The following ARV1 variants were observed in gnomAD, a reference collection of about 807,000 sequenced individuals.
ARV1 encodes ARV1 fatty acid homeostasis modulator, also known as protein ARV1.
Under a neutral mutation model 31.1 loss-of-function variants are expected in ARV1, and 26 were observed. That is an observed-to-expected ratio of 0.84 (90% CI 0.61 to 1.16). ARV1 has a LOEUF of 1.16. Ranked by LOEUF, ARV1 falls within the 50% of genes most tolerant of loss-of-function variation. The probability of loss-of-function intolerance (pLI) is 0.00; values close to 1 mark genes in which losing one functional copy is unlikely to be tolerated. For synonymous variants in ARV1, 117 were observed against 123.2 expected (o/e 0.95, Z 0.34); for missense variants, 281 against 324.9 (o/e 0.86, Z 1.04).
At chr1:230,998,629 G>A (rs528256956) in intron 5 of ARV1, among the ~76,000 whole-genome samples, 2 of 152,164 alleles carry the variant, frequency 1.3e-5, no homozygotes, top group South Asian at 4.1e-4. Context: ...AGGAGAGCAG[G>A]GCACAGTGGC....
chr1:230,988,169 C>T (rs58604888), intron 1 of ARV1, 151 bp from the exon 2 acceptor site: 9,658 of 583,124 alleles, frequency 0.017, 350 homozygotes, highest in African/African-American at 0.11. Context: ...TATAGATGAA[C>T]ATTTTGTATC....
rs754524756 is a variant in ARV1, at chr1:230,990,250, G to T, written c.435G>T (p.Ala145=). The T allele has an allele frequency of 1.9e-6, 3 of 1,612,664 alleles. No individual in the cohort carries two copies. The Admixed American group carries it at 5.0e-5, about 27-fold the overall frequency. Residue 145 remains alanine (A), a synonymous_variant, in exon 3 of 6, where the codon GCG becomes GCT. Coordinates refer to ENST00000310256, the MANE Select transcript of ARV1 (RefSeq NM_022786.3). ...AKEWDFYRMF[A]IAALEQTAYF... ...AATGGGATTTCTATAGAATGTTTGC[G>T]ATTGCTGCTTTAGGTAAGGAGATGC...
chr1:230,983,173 G>A (rs1361837360), intron 1 of ARV1, among the ~76,000 whole-genome samples: 1 of 152,118 alleles, frequency 6.6e-6, no homozygotes, highest in Non-Finnish European at 1.5e-5. Context: ...CCAGTACTTT[G>A]GGAGGCCAAG....
intron 1 of ARV1, 67 bp from the exon 2 acceptor site, chr1:230,988,253 T>C: frequency 8.4e-6 from 12 of 1,435,126 alleles, no homozygotes; most frequent in Non-Finnish European, 1.2e-5. Flanking sequence ...CTCTGCTGTT[T>C]TGAAATCCTT....
chr1:230,984,853 T>A (rs963417998), intron 1 of ARV1, among the ~76,000 whole-genome samples: 7 of 152,244 alleles, frequency 4.6e-5, no homozygotes, highest in African/African-American at 1.7e-4. Flanking sequence ...AGGTTTTATG[T>A]TGTTATCTCT....
At chr1:230,997,793 G>A (rs564882056) in intron 5 of ARV1, among the ~76,000 whole-genome samples, 8 of 152,108 alleles carry the variant, frequency 5.3e-5, no homozygotes, top group South Asian at 2.1e-4. Context: ...GCTTTGCTAA[G>A]GCTGTTTGGG....
chr1:230,997,294 A>G (rs745804960), intron 5 of ARV1, 27 bp downstream of exon 5: 1 of 1,608,350 alleles, frequency 6.2e-7, no homozygotes, highest in East Asian at 2.2e-5. Flanking sequence ...GTGTTCATGC[A>G]TTCAGACATG....
intron 3 of ARV1, among the ~76,000 whole-genome samples, chr1:230,992,705 G>A (rs1679260805): frequency 6.6e-6 from 1 of 152,144 alleles, no homozygotes; most frequent in African/African-American, 2.4e-5. Context: ...TACACTCGGT[G>A]ATTATTCATT....
intron 1 of ARV1, among the ~76,000 whole-genome samples, chr1:230,984,365 T>TGTGTGTGTGTGTGTGC (rs1678998737): frequency 1.4e-5 from 1 of 71,360 alleles, no homozygotes; most frequent in Admixed American, 1.6e-4. Flanking sequence ...TGTGTGTGCG[T>TGTGTGTGTGTGTGTGC]GTGTGTGTGT....
intron 2 of ARV1, 120 bp from the exon 3 acceptor site, chr1:230,989,990 A>C (rs1446474490): frequency 9.9e-7 from 1 of 1,013,878 alleles, no homozygotes; most frequent in African/African-American, 1.7e-5. Flanking sequence ...TAGCCACTTA[A>C]TTGGGCAGTC....
chr1:230,979,578 A>G (rs540184726), intron 1 of ARV1: 2 of 363,252 alleles, frequency 5.5e-6, no homozygotes, highest in South Asian at 2.9e-5. Flanking sequence ...ATTTTGGTTC[A>G]TGCCAAAGCT....
At chr1:230,997,426 C>T (rs559803244) in intron 5 of ARV1, among the ~76,000 whole-genome samples, 159 bp downstream of exon 5, 2 of 152,282 alleles carry the variant, frequency 1.3e-5, no homozygotes, top group South Asian at 2.1e-4. Context: ...TACTACATGG[C>T]CCCCAGGGGT....
At chr1:230,998,214 C>G (rs1363431557) in intron 5 of ARV1, among the ~76,000 whole-genome samples, 1 of 152,168 alleles carries the variant, frequency 6.6e-6, no homozygotes, top group Non-Finnish European at 1.5e-5. Flanking sequence ...AGGCAGGATC[C>G]TGGAAGGCTG....
intron 1 of ARV1, among the ~76,000 whole-genome samples, chr1:230,982,962 A>G (rs1330976637): frequency 2.0e-5 from 3 of 151,422 alleles, no homozygotes; most frequent in Non-Finnish European, 4.4e-5. Context: ...TTTCATCCCA[A>G]TCTCCTTTCC....
intron 1 of ARV1, among the ~76,000 whole-genome samples, chr1:230,986,551 A>G (rs1679075257): frequency 6.6e-6 from 1 of 151,462 alleles, no homozygotes; most frequent in Non-Finnish European, 1.5e-5. Flanking sequence ...TCTTTGGGGT[A>G]TATGTTCCAG....
chr1:230,993,414 G>A (rs542977429), intron 3 of ARV1, among the ~76,000 whole-genome samples: 2 of 152,246 alleles, frequency 1.3e-5, no homozygotes, highest in East Asian at 3.9e-4. Context: ...AATTTCTAAA[G>A]ATAAACTGTT....
chr1:230,990,703 G>T, intron 3 of ARV1: 1 of 307,784 alleles, frequency 3.2e-6, no homozygotes. Context: ...CCACAGGTAT[G>T]CACCACCACA....
intron 3 of ARV1, among the ~76,000 whole-genome samples, chr1:230,993,872 A>G (rs1004382585): frequency 1.3e-5 from 2 of 152,230 alleles, no homozygotes; most frequent in African/African-American, 4.8e-5. Flanking sequence ...TTTTGCCTGG[A>G]TGACCAAGAC....
chr1:230,992,068 G>T (rs1056518952), intron 3 of ARV1, among the ~76,000 whole-genome samples: 2 of 152,132 alleles, frequency 1.3e-5, no homozygotes, highest in African/African-American at 4.8e-5. Context: ...GTATTTGCAC[G>T]CAACACAGAG....
Sources: allele counts gnomAD v4.1 joint callset (sites outside exome capture counted in the v4.1 genomes callset), GRCh38; gene constraint gnomAD v4.1.1; transcripts MANE v1.5; gene names NCBI Gene and HGNC (gene_info 2026-07-23, HGNC 2026-07-21).